QTMAN: variants seen among roughly 807,000 people sequenced by gnomAD.
QTMAN encodes queuosine-tRNA mannosyltransferase.
the QTMAN span, among the ~76,000 whole-genome samples, chr2:144,292,394 C>T: frequency 3.9e-5 from 6 of 152,272 alleles, no homozygotes; most frequent in South Asian, 1.2e-3. Context: ...TTACTTAAGG[C>T]CCAGCTCAAG....
At chr2:144,205,634 C>A in the QTMAN span, among the ~76,000 whole-genome samples, 1 of 152,140 alleles carries the variant, frequency 6.6e-6, no homozygotes, top group Admixed American at 6.5e-5. Context: ...CACAATACCT[C>A]AGATGAAACA....
At chr2:144,258,136 A>G in the QTMAN span, among the ~76,000 whole-genome samples, 6 of 151,966 alleles carry the variant, frequency 3.9e-5, no homozygotes, top group Non-Finnish European at 7.4e-5. Context: ...CATTAAAAAA[A>G]TGATGAAATG....
At chr2:143,938,216 A>G in the QTMAN span, 3 of 152,206 alleles carry the variant, frequency 2.0e-5, no homozygotes, top group Non-Finnish European at 2.9e-5. Context: ...CTGCGGCTCA[A>G]ATGGAAAAAG....
chr2:144,172,044 T>C, the QTMAN span, among the ~76,000 whole-genome samples: 4 of 152,242 alleles, frequency 2.6e-5, no homozygotes, highest in African/African-American at 7.2e-5. Flanking sequence ...AAATTAAATA[T>C]TATAAAAATC....
At chr2:144,037,660 C>T in the QTMAN span, among the ~76,000 whole-genome samples, 1 of 152,194 alleles carries the variant, frequency 6.6e-6, no homozygotes, top group African/African-American at 2.4e-5. Context: ...TACAAAGAAA[C>T]ATCTTTCAGA....
the QTMAN span, among the ~76,000 whole-genome samples, chr2:144,264,316 G>C: frequency 1.3e-5 from 2 of 152,128 alleles, no homozygotes; most frequent in African/African-American, 4.8e-5. Flanking sequence ...GAATTGAATT[G>C]AGAATACTTT....
the QTMAN span, chr2:143,946,938 G>C: frequency 1.4e-6 from 1 of 735,090 alleles, no homozygotes. Context: ...AAGCAGCCAG[G>C]CTCAGCTTCC....
chr2:144,142,124 G>A, the QTMAN span: 1 of 1,048,430 alleles, frequency 9.5e-7, no homozygotes, highest in African/African-American at 1.6e-5. Context: ...ATCAACCTAA[G>A]ACCTCTATGG....
At chr2:144,323,971 A>T in the QTMAN span, among the ~76,000 whole-genome samples, 1 of 152,212 alleles carries the variant, frequency 6.6e-6, no homozygotes, top group Non-Finnish European at 1.5e-5. Flanking sequence ...CATTTTGCAT[A>T]CCTTCCTCTT....
the QTMAN span, among the ~76,000 whole-genome samples, chr2:144,222,834 T>C: frequency 6.6e-6 from 1 of 151,992 alleles, no homozygotes; most frequent in African/African-American, 2.4e-5. Flanking sequence ...AGCTGGAAAA[T>C]GTTATTGTAT....
At chr2:144,144,175 G>C in the QTMAN span, among the ~76,000 whole-genome samples, 5 of 151,948 alleles carry the variant, frequency 3.3e-5, no homozygotes, top group African/African-American at 1.2e-4. Flanking sequence ...TTATGAAAGT[G>C]AGGAGGAATC....
the QTMAN span, among the ~76,000 whole-genome samples, chr2:144,245,567 T>C: frequency 8.1e-4 from 124 of 152,348 alleles, no homozygotes; most frequent in African/African-American, 2.8e-3. Context: ...ATAAGATATA[T>C]ACAAATTATT....
chr2:144,228,183 A>T, the QTMAN span, among the ~76,000 whole-genome samples: 1 of 151,976 alleles, frequency 6.6e-6, no homozygotes, highest in Non-Finnish European at 1.5e-5. Context: ...TAAAACACTA[A>T]CTCATTTAAA....
chr2:144,101,587 C>G, the QTMAN span, among the ~76,000 whole-genome samples: 26 of 152,192 alleles, frequency 1.7e-4, no homozygotes, highest in African/African-American at 6.3e-4. Context: ...TTCTATGATT[C>G]TATAATGTGA....
chr2:144,105,444 C>T, the QTMAN span, among the ~76,000 whole-genome samples: 2 of 152,170 alleles, frequency 1.3e-5, no homozygotes, highest in African/African-American at 4.8e-5. Flanking sequence ...GGCACGAGAA[C>T]TACGTGATGA....
chr2:144,271,961 A>C, the QTMAN span, among the ~76,000 whole-genome samples: 2 of 152,172 alleles, frequency 1.3e-5, no homozygotes, highest in African/African-American at 2.4e-5. Context: ...TTCTTTCCCA[A>C]AGGTAACCAC....
At chr2:144,208,780 A>G in the QTMAN span, 1 of 1,599,074 alleles carries the variant, frequency 6.3e-7, no homozygotes, top group South Asian at 1.1e-5. Flanking sequence ...GAGGATACTC[A>G]TTGGCCCATT....
chr2:143,954,346 T>C, the QTMAN span, among the ~76,000 whole-genome samples: 6 of 152,182 alleles, frequency 3.9e-5, no homozygotes, highest in Admixed American at 6.5e-5. Context: ...AGTGAAGTCA[T>C]AGGCATTTCA....
At chr2:144,251,554 A>C in the QTMAN span, among the ~76,000 whole-genome samples, 1 of 152,168 alleles carries the variant, frequency 6.6e-6, no homozygotes, top group African/African-American at 2.4e-5. Flanking sequence ...TGAAGACCTT[A>C]CAATATACTT....
Sources: allele counts gnomAD v4.1 joint callset (sites outside exome capture counted in the v4.1 genomes callset), GRCh38; gene constraint gnomAD v4.1.1; transcripts MANE v1.5; gene names NCBI Gene and HGNC (gene_info 2026-07-23, HGNC 2026-07-21).